The following TMLHE variants were observed in gnomAD, a reference collection of about 807,000 sequenced individuals.
TMLHE encodes the protein trimethyllysine hydroxylase, epsilon.
A neutral mutation model predicts 25.7 loss-of-function variants in TMLHE; 18 were observed. The ratio of observed to expected loss-of-function variants is 0.70; its 90% CI spans 0.48 to 1.04. The LOEUF is 1.04. Ranked by LOEUF, TMLHE falls within the 50% of genes least tolerant of loss-of-function variation. The pLI is 0.00. For synonymous variants in TMLHE, 105 were observed against 97.0 expected (o/e 1.08, Z -0.49); for missense variants, 236 against 259.0 (o/e 0.91, Z 0.61).
At chrX:155,551,640 TTC>T (rs2067416494) in intron 1 of TMLHE, among the ~76,000 whole-genome samples, 4 of 109,951 alleles carry the variant, frequency 3.6e-5, no homozygotes, top group East Asian at 2.9e-4. Context: ...TATTTAGAAA[TTC>T]TGTTTATCCT....
At chrX:155,553,608 A>ATT (rs1397379569) in intron 1 of TMLHE, among the ~76,000 whole-genome samples, 1 of 109,851 alleles carries the variant, frequency 9.1e-6, no homozygotes, top group Non-Finnish European at 1.9e-5. Flanking sequence ...TTTTTTAACC[A>ATT]TTCTAATAAT....
chrX:155,545,089 C>T lies in TMLHE; in HGVS notation c.181+7G>A, dbSNP rs200155488. 8.3e-7 allele frequency: 1 copy of T among 1,206,350 alleles called. No homozygotes were observed. Among genetic ancestry groups the T allele is most frequent in the Non-Finnish European group, 1.1e-6 (1 of 893,312 alleles). On this transcript the variant is annotated splice_region_variant and intron_variant, in intron 2 of 7. Transcript: ENST00000334398. ...TTAAAAAGTATCTGTCTTCACACATCTCTTACCAAAATGATCTTCATGTTG... is the reference window on the plus strand; with the variant it reads ...TTAAAAAGTATCTGTCTTCACACATTTCTTACCAAAATGATCTTCATGTTG...
chrX:155,597,596 C>G (rs2067730087), intron 1 of TMLHE, among the ~76,000 whole-genome samples: 1 of 111,379 alleles, frequency 9.0e-6, no homozygotes, highest in South Asian at 3.8e-4. Flanking sequence ...GGAACCAGCC[C>G]AAATGTCCAA....
At chrX:155,576,491 C>T (rs1010192913) in intron 1 of TMLHE, among the ~76,000 whole-genome samples, 1 of 111,587 alleles carries the variant, frequency 9.0e-6, no homozygotes, top group Non-Finnish European at 1.9e-5. Context: ...ACATTCTTCA[C>T]ATAATTAGAA....
intron 3 of TMLHE, among the ~76,000 whole-genome samples, chrX:155,520,156 G>A (rs1443932314): frequency 1.6e-4 from 2 of 12,513 alleles, no homozygotes; most frequent in African/African-American, 3.5e-4. Context: ...GCAGCGGCTG[G>A]TACCGGTTGT....
chrX:155,610,241 A>G (rs964854459), intron 1 of TMLHE, among the ~76,000 whole-genome samples: 2 of 112,492 alleles, frequency 1.8e-5, no homozygotes, highest in Admixed American at 1.9e-4. Context: ...CCACAACATT[A>G]ATAAACTTTG....
intron 3 of TMLHE, among the ~76,000 whole-genome samples, chrX:155,521,847 C>T (rs1557335784): frequency 1.2e-5 from 1 of 82,711 alleles, no homozygotes; most frequent in African/African-American, 4.5e-5. Context: ...CCTTGCGCTT[C>T]CCAGGTGAGG....
intron 2 of TMLHE, among the ~76,000 whole-genome samples, chrX:155,536,583 C>G (rs782240795): frequency 8.9e-6 from 1 of 111,776 alleles, no homozygotes; most frequent in South Asian, 3.7e-4. Context: ...TGCCTTTTCA[C>G]TTGTAACTTT....
At chrX:155,511,123 G>A (rs2067109405) in intron 5 of TMLHE, among the ~76,000 whole-genome samples, 2 of 111,752 alleles carry the variant, frequency 1.8e-5, no homozygotes, top group Admixed American at 9.5e-5. Flanking sequence ...AAAATCTCAT[G>A]TTGAATTGTA....
At chrX:155,548,603 CACACA>C (rs2067383020) in intron 1 of TMLHE, among the ~76,000 whole-genome samples, 1 of 107,092 alleles carries the variant, frequency 9.3e-6, no homozygotes. Flanking sequence ...GGTGTGGTGG[CACACA>C]CCTGTATTCC....
At chrX:155,568,194 T>A (rs1242218026) in intron 1 of TMLHE, among the ~76,000 whole-genome samples, 1 of 61,625 alleles carries the variant, frequency 1.6e-5, no homozygotes, top group African/African-American at 3.6e-5. Context: ...ATCCCCCACA[T>A]GGCTCAGAGG....
intron 6 of TMLHE, among the ~76,000 whole-genome samples, chrX:155,504,908 G>A (rs1211018842): frequency 2.7e-5 from 3 of 111,164 alleles, no homozygotes; most frequent in Non-Finnish European, 5.7e-5. Context: ...AGTACTTCCT[G>A]TAGTGATAGT....
intron 1 of TMLHE, among the ~76,000 whole-genome samples, chrX:155,548,638 G>C (rs931304119): frequency 9.2e-6 from 1 of 108,665 alleles, no homozygotes; most frequent in Non-Finnish European, 1.9e-5. Flanking sequence ...AGGAGGCTGA[G>C]GCAGGAGAAT....
At chrX:155,538,545 C>T (rs1354916700) in intron 2 of TMLHE, among the ~76,000 whole-genome samples, 1 of 111,427 alleles carries the variant, frequency 9.0e-6, no homozygotes, top group African/African-American at 3.3e-5. Flanking sequence ...TCTCCCCATC[C>T]TCAAACTGCC....
intron 3 of TMLHE, among the ~76,000 whole-genome samples, chrX:155,522,700 G>A (rs1190906496): frequency 8.9e-6 from 1 of 111,847 alleles, no homozygotes; most frequent in Non-Finnish European, 1.9e-5. Context: ...TCCAAGTTAT[G>A]TATCGAACTA....
At chrX:155,609,868 CA>C (rs1557348169) in intron 1 of TMLHE, among the ~76,000 whole-genome samples, 1 of 111,532 alleles carries the variant, frequency 9.0e-6, no homozygotes, top group Non-Finnish European at 1.9e-5. Context: ...TTGAAAAAAA[CA>C]AAACAAAACG....
At chrX:155,601,201 A>G (rs2067754480) in intron 1 of TMLHE, among the ~76,000 whole-genome samples, 1 of 112,339 alleles carries the variant, frequency 8.9e-6, no homozygotes, top group South Asian at 3.6e-4. Context: ...AAAAAATACT[A>G]AAGTCCTTGA....
intron 1 of TMLHE, among the ~76,000 whole-genome samples, chrX:155,598,159 C>T (rs976590323): frequency 2.7e-5 from 3 of 111,639 alleles, no homozygotes; most frequent in Admixed American, 9.5e-5. Context: ...TTTAAAATGA[C>T]GACTTGATGG....
chrX:155,581,625 A>G (rs1378006628), intron 1 of TMLHE, among the ~76,000 whole-genome samples: 1 of 111,743 alleles, frequency 8.9e-6, no homozygotes, highest in Non-Finnish European at 1.9e-5. Context: ...AGGAATATGA[A>G]GGACCTCTTC....
Sources: gnomAD v4.1 joint callset for allele counts (sites outside exome capture counted in the v4.1 genomes callset) on GRCh38, gnomAD v4.1.1 for gene constraint, MANE v1.5 for transcripts, NCBI Gene and HGNC (gene_info 2026-07-23, HGNC 2026-07-21) for gene names.